Variants in SPG7 observed in about 807,000 individuals in gnomAD.
SPG7 encodes the protein mitochondrial inner membrane m-AAA protease component paraplegin.
In SPG7, 103 loss-of-function variants were observed where a neutral mutation model predicts 81.9. The ratio of observed to expected loss-of-function variants is 1.26; its 90% confidence interval spans 1.07 to 1.48. The LOEUF (loss-of-function observed/expected upper bound fraction) is 1.48, where lower values mean the gene tolerates loss of function less well. Among genes scored for constraint, SPG7 ranks in the 40% most tolerant of loss-of-function variants. The pLI is 0.00. For missense variants in SPG7, 1,241 were observed against 1,087.3 expected (o/e 1.14, Z -1.99); for synonymous variants, 534 against 444.2 (o/e 1.20, Z -2.54).
chr16:89,537,163 G>A, intron 9 of SPG7: 1 of 1,454,956 alleles, frequency 6.9e-7, no homozygotes. Context: ...TTCCGTTCAT[G>A]GAAGCGCACA....
Position 89,529,494 on chromosome 16 carries a change from G to T in SPG7, c.776G>T (p.Gly259Val). Residue 259 changes from glycine (G) to valine (V), a missense_variant, in exon 6 of 17, where the codon GGG becomes GTG. By Grantham distance (109) the Gly-to-Val change is moderately radical (BLOSUM62 -3). Transcript: ENST00000645818. ...GFFGNALYSV[G>V]MTAVGLAILW... is the part of the protein sequence containing the mutation. ...TCCGGCAGTGCCCTGTACTCTGTGG[G>T]GATGACGGCAGTGGGCCTGGCCATC... 6.2e-7 allele frequency: 1 copy of T among 1,613,462 alleles called. No individual in the cohort carries two copies. The highest frequency in any genetic ancestry group is 8.5e-7 in the Non-Finnish European group (1 of 1,179,596).
chr16:89,549,420 G>A, intron 12 of SPG7: 11 of 362,942 alleles, frequency 3.0e-5, no homozygotes, highest in South Asian at 2.3e-4. Flanking sequence ...AGCACTTTGG[G>A]GGCTGAGGCA....
At chr16:89,549,440 CTTGAGGCCAGGAGT>C (rs2058607227) in intron 12 of SPG7, 2 of 360,640 alleles carry the variant, frequency 5.5e-6, no homozygotes, top group Non-Finnish European at 1.1e-5. Flanking sequence ...AGGAGGGTTG[CTTGAGGCCAGGAGT>C]TTGAGACCAG....
chr16:89,548,586 C>T, intron 12 of SPG7: 1 of 314,638 alleles, frequency 3.2e-6, no homozygotes, highest in Non-Finnish European at 6.2e-6. Context: ...TGCAGCACCA[C>T]CTCTGGTGAA....
At chr16:89,529,753 A>G (rs1043493767) in intron 6 of SPG7, 174 bp downstream of exon 6, 27 of 676,988 alleles carry the variant, frequency 4.0e-5, no homozygotes, top group Middle Eastern at 3.7e-4. Flanking sequence ...TAAGGCGTGT[A>G]GTAACCAATG....
At chr16:89,531,599 CCTG>C in intron 7 of SPG7, 1 of 408,640 alleles carries the variant, frequency 2.4e-6, no homozygotes, top group Non-Finnish European at 4.6e-6. Flanking sequence ...GTCTCAAACT[CCTG>C]ATCTCAAGCT....
chr16:89,550,527 A>G lies in SPG7; in HGVS notation c.1697A>G (p.Glu566Gly). The G allele has an allele frequency of 1.2e-6, 2 of 1,613,986 alleles. No individual in the cohort carries two copies. The highest frequency in any genetic ancestry group is 1.7e-6 in the Non-Finnish European group (2 of 1,179,974). The change falls in exon 13 of 17, where the codon GAA becomes GGA. Residue 566 changes from glutamate to glycine, a missense_variant. By Grantham distance (98) the Glu-to-Gly change is moderately conservative. Transcript: ENST00000645818. Reference protein sequence around the residue: ...TAKKSKILSKEEQKVVAFHES... With the variant: ...TAKKSKILSKGEQKVVAFHES... ...AAAAAGAGCAAGATCCTGTCCAAGG[A>G]AGAACAGAAAGTGGTTGCGTTTCAT...
chr16:89,548,385 C>G, intron 12 of SPG7: 1 of 455,294 alleles, frequency 2.2e-6, no homozygotes, highest in Non-Finnish European at 3.9e-6. Context: ...AAAAAATGCC[C>G]CCCAAAAATA....
chr16:89,553,065 G>A lies in SPG7; in HGVS notation c.1866G>A (p.Leu622=). The change falls in exon 14 of 17, where the codon CTG becomes CTA. Residue 622 remains leucine, a synonymous_variant. Coordinates refer to ENST00000645818, the MANE Select transcript of SPG7 (RefSeq NM_003119.4). ...AGCACCTCTTCACCAAGGAGCAGCTGTTTGAGCGGATGTGCATGGCCCTGG... is the reference window on the plus strand; with the variant it reads ...AGCACCTCTTCACCAAGGAGCAGCTATTTGAGCGGATGTGCATGGCCCTGG... The part of the protein sequence containing the change: ...RDQHLFTKEQ[L]FERMCMALGG... 2 of 1,613,904 alleles carry A rather than the reference G, an allele frequency of 1.2e-6. No homozygotes were observed. The highest frequency in any genetic ancestry group is 1.7e-6 in the Non-Finnish European group (2 of 1,179,918).
chr16:89,552,804 T>C (rs999583216), intron 13 of SPG7, 175 bp from the exon 14 acceptor site: 28 of 662,386 alleles, frequency 4.2e-5, no homozygotes, highest in Admixed American at 2.3e-4. Flanking sequence ...GGAACGCTGC[T>C]GTCTCTGGGC....
chr16:89,541,138 C>T (rs951644501), intron 9 of SPG7: 3 of 976,164 alleles, frequency 3.1e-6, no homozygotes, highest in Non-Finnish European at 2.4e-6. Context: ...ATCCTTATCA[C>T]GGTGTTCTAC....
chr16:89,532,762 T>A (rs2058362659), intron 9 of SPG7, 126 bp downstream of exon 9: 11 of 1,154,762 alleles, frequency 9.5e-6, no homozygotes, highest in Non-Finnish European at 1.2e-5. Flanking sequence ...AGAGTGAGAC[T>A]CTGTCTCAAG....
intron 3 of SPG7, among the ~76,000 whole-genome samples, chr16:89,513,826 A>C (rs1482157625): frequency 6.6e-6 from 1 of 152,238 alleles, no homozygotes; most frequent in African/African-American, 2.4e-5. Context: ...TTGGAAGGCG[A>C]GTGAGGAACT....
chr16:89,540,771 A>T, intron 9 of SPG7: 1 of 452,638 alleles, frequency 2.2e-6, no homozygotes, highest in Non-Finnish European at 2.9e-6. Context: ...ACATGCGCTC[A>T]CCACATGACC....
intron 4 of SPG7, among the ~76,000 whole-genome samples, chr16:89,524,950 T>C (rs1289439993): frequency 2.1e-5 from 3 of 144,804 alleles, no homozygotes; most frequent in African/African-American, 7.4e-5. Flanking sequence ...TCCTTTTCTT[T>C]TGCTTTTTTT....
chr16:89,522,303 T>C (rs2058197949), intron 3 of SPG7: 1 of 152,244 alleles, frequency 6.6e-6, no homozygotes, highest in Non-Finnish European at 1.5e-5. Flanking sequence ...AAATGATTGT[T>C]GGAAAGGAAG....
intron 9 of SPG7, chr16:89,540,911 C>A (rs1278528742): frequency 1.0e-6 from 1 of 985,274 alleles, no homozygotes; most frequent in Non-Finnish European, 1.2e-6. Context: ...CATTCAGTGG[C>A]TGAGAGCTGA....
intron 5 of SPG7, among the ~76,000 whole-genome samples, chr16:89,527,605 G>T (rs902881354): frequency 6.6e-6 from 1 of 152,232 alleles, no homozygotes; most frequent in Non-Finnish European, 1.5e-5. Flanking sequence ...GTAGACACAG[G>T]AAGGTGAAAT....
At position 89,536,501 on chromosome 16, in the gene SPG7, GAGGTGAGGCGGGTGAGGTC is replaced by G. The variant is rs1445919939; in HGVS notation, c.1324+3894_1324+3912del. 3.5e-3 allele frequency among the ~76,000 whole-genome samples: 168 copies of G among 47,542 alleles called. 12 individuals are homozygous for G. Among genetic ancestry groups the G allele is most frequent in the Admixed American group, 7.7e-3 (35 of 4,550 alleles). 31.2% of individuals were successfully genotyped at this position (47,542 alleles called of 152,430 possible). On this transcript the variant is annotated intron_variant, in intron 9 of 16. Transcript: ENST00000645818. ...GCGGGTGAGGTCAGGTGAGGCAGGTGAGGTGAGGCGGGTGAGGTCAGGTGAGGCGGGTGAGGTCAGGTGA... is the reference window on the plus strand; with the variant it reads ...GCGGGTGAGGTCAGGTGAGGCAGGTGAGGTGAGGCGGGTGAGGTCAGGTGA...
Sources: gnomAD v4.1 joint callset for allele counts (sites outside exome capture counted in the v4.1 genomes callset) on GRCh38, gnomAD v4.1.1 for gene constraint, MANE v1.5 for transcripts, NCBI Gene and HGNC (gene_info 2026-07-23, HGNC 2026-07-21) for gene names.